Variants in CDK19 observed in about 807,000 individuals in gnomAD.
CDK19 encodes the protein cyclin-dependent kinase 19.
A neutral mutation model predicts 68.3 loss-of-function variants in CDK19; 20 were observed. That is an observed-to-expected ratio of 0.29 (90% CI 0.21 to 0.43). The LOEUF is 0.43. Among genes scored for constraint, CDK19 ranks in the 20% least tolerant of loss-of-function variants. The probability of loss-of-function intolerance (pLI) is 1.00; values close to 1 mark genes in which losing one functional copy is unlikely to be tolerated. For synonymous variants in CDK19, 221 were observed against 222.8 expected (o/e 0.99, Z 0.07); for missense variants, 339 against 623.5 (o/e 0.54, Z 4.86).
intron 2 of CDK19, among the ~76,000 whole-genome samples, chr6:110,720,038 C>T (rs1309033984): frequency 6.9e-6 from 1 of 145,528 alleles, no homozygotes; most frequent in African/African-American, 2.5e-5. Context: ...GCATGAGCCA[C>T]TGTGCTCTGC....
intron 2 of CDK19, among the ~76,000 whole-genome samples, chr6:110,737,298 TCACAAAAGTGAGTAA>T (rs1447125028): frequency 6.6e-6 from 1 of 152,128 alleles, no homozygotes; most frequent in East Asian, 1.9e-4. Context: ...CTGTTCCTTC[TCACAAAAGTGAGTAA>T]CACAAAAGTG....
intron 1 of CDK19, among the ~76,000 whole-genome samples, chr6:110,755,041 CTT>C (rs34041330): frequency 2.1e-4 from 27 of 131,660 alleles, no homozygotes; most frequent in Admixed American, 3.1e-4. Flanking sequence ...CTTGTGAATC[CTT>C]TTTTTTTTTT....
rs895079426 is a variant in CDK19 at position 110,740,153 on chromosome 6, T to C, written c.204+5973A>G. Among the ~76,000 whole-genome samples, 8 of 152,148 alleles carry C rather than the reference T, an allele frequency of 5.3e-5. No homozygotes were observed. In the South Asian group the frequency reaches 1.7e-3, roughly 31 times the overall value. On this transcript the variant is annotated intron_variant, in intron 2 of 12. Transcript: ENST00000368911. ...AAATGATTACTTTTGAGTGTTGACA[T>C]AACAGGTACTTTTACCAGCCTTTTT...
intron 1 of CDK19, among the ~76,000 whole-genome samples, chr6:110,758,756 C>A (rs3014322): frequency 0.035 from 5,353 of 152,004 alleles, 300 homozygotes; most frequent in African/African-American, 0.12. Flanking sequence ...TCTAGAAATT[C>A]ACCTAAAAGC....
intron 2 of CDK19, among the ~76,000 whole-genome samples, chr6:110,709,337 T>C (rs1220955120): frequency 6.6e-6 from 1 of 151,848 alleles, no homozygotes; most frequent in Non-Finnish European, 1.5e-5. Flanking sequence ...AATAGAAGCC[T>C]CAGAAATAAC....
At chr6:110,784,219 CAA>C (rs1207501504) in intron 1 of CDK19, among the ~76,000 whole-genome samples, 1 of 118,398 alleles carries the variant, frequency 8.4e-6, no homozygotes, top group African/African-American at 3.2e-5. Flanking sequence ...TCAAAAAAAA[CAA>C]GAAATATTTG....
chr6:110,786,423 G>T (rs1418648046), intron 1 of CDK19, among the ~76,000 whole-genome samples: 1 of 152,060 alleles, frequency 6.6e-6, no homozygotes, highest in African/African-American at 2.4e-5. Context: ...ACCCTGTGAA[G>T]TCATGCACAA....
chr6:110,778,208 A>G (rs1277221488), intron 1 of CDK19, among the ~76,000 whole-genome samples: 1 of 152,244 alleles, frequency 6.6e-6, no homozygotes, highest in Non-Finnish European at 1.5e-5. Flanking sequence ...AAGGAATTGC[A>G]AAAAAGAAAA....
intron 1 of CDK19, among the ~76,000 whole-genome samples, chr6:110,797,114 G>A (rs1335579004): frequency 6.6e-6 from 1 of 151,926 alleles, no homozygotes; most frequent in Non-Finnish European, 1.5e-5. Flanking sequence ...GGCCAAGGTG[G>A]GTGGATCACG....
intron 1 of CDK19, among the ~76,000 whole-genome samples, chr6:110,746,474 A>C (rs1778086634): frequency 6.6e-6 from 1 of 152,230 alleles, no homozygotes; most frequent in South Asian, 2.1e-4. Context: ...CTAGTTTCAA[A>C]GAGTAAACAA....
At chr6:110,699,172 C>G (rs1436122974) in intron 2 of CDK19, among the ~76,000 whole-genome samples, 1 of 151,904 alleles carries the variant, frequency 6.6e-6, no homozygotes, top group East Asian at 1.9e-4. Context: ...CACCTGTAAT[C>G]CCAGCACTCT....
At chr6:110,616,692 C>T (rs1778334705) in intron 12 of CDK19, among the ~76,000 whole-genome samples, 1 of 151,312 alleles carries the variant, frequency 6.6e-6, no homozygotes, top group South Asian at 2.1e-4. Context: ...CAAAACAAAA[C>T]TTAGTTTTGC....
chr6:110,789,156 A>G (rs1470547821), intron 1 of CDK19, among the ~76,000 whole-genome samples: 2 of 152,258 alleles, frequency 1.3e-5, no homozygotes, highest in Non-Finnish European at 2.9e-5. Context: ...TACAGTATGT[A>G]CAACAGTGAA....
At chr6:110,690,785 C>T (rs1364966058) in intron 2 of CDK19, among the ~76,000 whole-genome samples, 1 of 152,008 alleles carries the variant, frequency 6.6e-6, no homozygotes, top group African/African-American at 2.4e-5. Context: ...GTCATCACCC[C>T]TGAAAATACC....
At position 110,614,283 on chromosome 6, in the gene CDK19, A is replaced by G. The variant is rs1778172897; in HGVS notation, c.*252T>C. The G allele has an allele frequency of 1.4e-5, 5 of 350,850 alleles. No homozygotes were observed. The East Asian group carries it at 2.1e-4, about 15-fold the overall frequency. 21.7% of individuals were successfully genotyped at this position (350,850 alleles called of 1,614,324 possible). On this transcript the variant is annotated 3_prime_UTR_variant, in exon 13 of 13. Transcript: ENST00000368911. ...GTTACAGAAGTGCTGGGATTAGATC[A>G]GACGCTTTATCAGAGAAGTCACAAT... is the stretch of plus-strand genomic sequence containing the variant.
At chr6:110,687,945 A>G (rs1402979967) in intron 2 of CDK19, among the ~76,000 whole-genome samples, 2 of 152,238 alleles carry the variant, frequency 1.3e-5, no homozygotes, top group Non-Finnish European at 2.9e-5. Context: ...CTGCTTGAAA[A>G]TAAATTATGT....
rs1201154122 is a variant in CDK19, at chr6:110,723,183, C to CT, written c.204+22942dup. Among the ~76,000 whole-genome samples the CT allele has an allele frequency of 1.1e-4, 16 of 147,468 alleles. No homozygotes were observed. The East Asian group carries it at 3.2e-3, about 30-fold the overall frequency. ...AAAAACGCAGATTTGTCCTTGTTCA[C>CT]TTTAACATTCGAGGCCGCCAGGTTA... On this transcript the variant is annotated intron_variant, in intron 2 of 12. Coordinates refer to ENST00000368911, the MANE Select transcript of CDK19 (RefSeq NM_015076.5).
In CDK19 at chr6:110,622,908, T is replaced by C; in HGVS notation, c.938A>G (p.Gln313Arg). ...GGTTGGATCCATGGTCAGGAGTTTC[T>C]GAAGCTAGAGTGACACACAGGAAAT... ...KPDSKVFLLL[Q>R]KLLTMDPTKR... The change falls in exon 10 of 13, where the codon CAG (glutamine) becomes CGG (arginine). Residue 313 changes from glutamine (Q) to arginine (R), a missense_variant. By Grantham distance (43) the Gln-to-Arg change is conservative. Around this residue, in one of 4 missense-constraint regions of CDK19, gnomAD observed 63 missense variants for 156.5 expected, o/e 0.40. Coordinates refer to ENST00000368911, the MANE Select transcript of CDK19 (RefSeq NM_015076.5). 6.2e-7 allele frequency: 1 copy of C among 1,603,742 alleles called. No homozygotes were observed. The highest frequency in any genetic ancestry group is 8.5e-7 in the Non-Finnish European group (1 of 1,170,440).
chr6:110,779,967 C>T (rs1780675700), intron 1 of CDK19, among the ~76,000 whole-genome samples: 1 of 152,054 alleles, frequency 6.6e-6, no homozygotes, highest in Non-Finnish European at 1.5e-5. Context: ...CACCTGTAAT[C>T]CCAGCACTTC....
Sources: gnomAD v4.1 joint callset for allele counts (sites outside exome capture counted in the v4.1 genomes callset) on GRCh38, gnomAD v4.1.1 for gene constraint, gnomAD v4.1.1 regional missense constraint, MANE v1.5 for transcripts, NCBI Gene and HGNC (gene_info 2026-07-23, HGNC 2026-07-21) for gene names.